The following LAMA2 variants were observed in gnomAD, a reference collection of about 807,000 sequenced individuals.
LAMA2 encodes the protein laminin subunit alpha 2, also known as laminin subunit alpha-2.
A neutral mutation model predicts 364.8 loss-of-function variants in LAMA2; 269 were observed. That is an observed-to-expected ratio of 0.74 (90% CI 0.67 to 0.82). The LOEUF is 0.82. Ranked by LOEUF, LAMA2 falls within the 40% of genes least tolerant of loss-of-function variation. The probability of loss-of-function intolerance (pLI) is 0.00; values close to 1 mark genes in which losing one functional copy is unlikely to be tolerated. For synonymous variants in LAMA2, 1,379 were observed against 1,370.6 expected (o/e 1.01, Z -0.14); for missense variants, 3,807 against 3,873.2 (o/e 0.98, Z 0.45).
intron 7 of LAMA2, among the ~76,000 whole-genome samples, chr6:129,150,474 G>T (rs558717626): frequency 1.8e-3 from 276 of 152,270 alleles, no homozygotes; most frequent in Non-Finnish European, 1.8e-3. Flanking sequence ...TTCACACAGT[G>T]ATAATTGTGT....
chr6:129,429,392 A>C (rs914307529), intron 41 of LAMA2, among the ~76,000 whole-genome samples: 1 of 152,242 alleles, frequency 6.6e-6, no homozygotes, highest in African/African-American at 2.4e-5. Context: ...ATGAGGAAAT[A>C]CTTATTTTTT....
At chr6:129,182,123 T>C (rs1562307846) in intron 10 of LAMA2, among the ~76,000 whole-genome samples, 1 of 151,836 alleles carries the variant, frequency 6.6e-6, no homozygotes, top group Non-Finnish European at 1.5e-5. Flanking sequence ...TAAAAATACT[T>C]AGAATAGCAA....
At chr6:129,082,846 T>A (rs1774148738) in intron 3 of LAMA2, among the ~76,000 whole-genome samples, 1 of 152,160 alleles carries the variant, frequency 6.6e-6, no homozygotes, top group Non-Finnish European at 1.5e-5. Flanking sequence ...TATGCTTTAA[T>A]GCTTTAAAAT....
chr6:129,398,472 CTT>C (rs71028159), intron 37 of LAMA2, among the ~76,000 whole-genome samples: 9 of 110,506 alleles, frequency 8.1e-5, no homozygotes, highest in Non-Finnish European at 1.4e-4. Flanking sequence ...CTTTTCTTTT[CTT>C]TTTTTTTTTT....
chr6:128,997,829 GAGA>G (rs1397642145), intron 1 of LAMA2, among the ~76,000 whole-genome samples: 1 of 152,060 alleles, frequency 6.6e-6, no homozygotes, highest in Non-Finnish European at 1.5e-5. Flanking sequence ...GTAATGAGAT[GAGA>G]AGTTCAGATT....
At chr6:129,143,013 G>A (rs758252274) in intron 4 of LAMA2, among the ~76,000 whole-genome samples, 4 of 151,784 alleles carry the variant, frequency 2.6e-5, no homozygotes, top group Non-Finnish European at 5.9e-5. Flanking sequence ...TCCTTTATCC[G>A]TGCCAACAGT....
intron 12 of LAMA2, among the ~76,000 whole-genome samples, chr6:129,206,051 G>A (rs1782623073): frequency 1.4e-5 from 1 of 73,916 alleles, no homozygotes; most frequent in South Asian, 4.5e-4. Context: ...AAGAAAAAAA[G>A]GAAGGGAAGG....
intron 58 of LAMA2, among the ~76,000 whole-genome samples, chr6:129,497,861 C>G (rs1785312807): frequency 6.6e-6 from 1 of 152,202 alleles, no homozygotes; most frequent in East Asian, 1.9e-4. Flanking sequence ...CATATTATCT[C>G]ATTTGATATT....
chr6:129,240,839 A>C (rs1785351356), intron 12 of LAMA2, among the ~76,000 whole-genome samples: 1 of 152,226 alleles, frequency 6.6e-6, no homozygotes, highest in African/African-American at 2.4e-5. Flanking sequence ...AGCTGGGAAA[A>C]GTAATGCCAT....
Position 129,454,047 on chromosome 6 carries a change from T to C in LAMA2, c.6574-108T>C. 4 of 760,704 alleles carry C rather than the reference T, an allele frequency of 5.3e-6. No individual in the cohort carries two copies. In the South Asian group the frequency reaches 6.2e-5, roughly 12 times the overall value. 47.1% of individuals were successfully genotyped at this position (760,704 alleles called of 1,614,324 possible). On this transcript the variant is annotated intron_variant, in intron 46 of 64. Coordinates refer to ENST00000421865, the MANE Select transcript of LAMA2 (RefSeq NM_000426.4). ...ACAAGTATTATCATGAAGCTCCTAA[T>C]CATTTCACATGTCTGCAAATGGCGC...
intron 35 of LAMA2, 118 bp downstream of exon 35, chr6:129,383,351 G>A (rs1364154331): frequency 4.9e-6 from 4 of 822,400 alleles, no homozygotes; most frequent in African/African-American, 3.4e-5. Flanking sequence ...CAAAGGTAGA[G>A]TTTCAAAAAG....
In LAMA2 at chr6:128,896,409, AT is replaced by A. The variant is rs1170937153; in HGVS notation, c.112+13065del. Among the ~76,000 whole-genome samples, 493 of 140,330 alleles carry A rather than the reference AT, an allele frequency of 3.5e-3. 3 individuals are homozygous for A. Among genetic ancestry groups the A allele is most frequent in the African/African-American group, 8.4e-3 (325 of 38,476 alleles). The allele number at this position is 140,330 out of a possible 152,430, so 92.1% of individuals were successfully genotyped here. On this transcript the variant is annotated intron_variant, in intron 1 of 64. Transcript: ENST00000421865. ...AATAACATGTCCTCACCCTCCTTCC[AT>A]TTTTTTTTTTTTCTGCCATACACAT...
chr6:129,098,511 T>C, intron 4 of LAMA2, 96 bp downstream of exon 4: 1 of 1,410,070 alleles, frequency 7.1e-7, no homozygotes, highest in Non-Finnish European at 9.9e-7. Flanking sequence ...GTCAGGGAGA[T>C]TTTAAAATAG....
Position 129,492,220 on chromosome 6 carries a change from A to G in LAMA2, c.8076-95A>G, listed in dbSNP as rs1466582371. 8.3e-6 allele frequency: 12 copies of G among 1,443,436 alleles called. No homozygotes were observed. The East Asian group carries it at 2.0e-4, about 25-fold the overall frequency. The allele number at this position is 1,443,436 out of a possible 1,614,324, so 89.4% of individuals were successfully genotyped here. On this transcript the variant is annotated intron_variant, in intron 57 of 64. Coordinates refer to ENST00000421865, the MANE Select transcript of LAMA2 (RefSeq NM_000426.4). ...CTTCAACTTAGACTGAGAAAAGCACACTAATGGACTTAAAAAGGCATGCGG... is the reference window on the plus strand; with the variant it reads ...CTTCAACTTAGACTGAGAAAAGCACGCTAATGGACTTAAAAAGGCATGCGG...
At chr6:129,315,325 T>A in intron 24 of LAMA2, 151 bp from the exon 25 acceptor site, 2 of 676,306 alleles carry the variant, frequency 3.0e-6, no homozygotes, top group South Asian at 3.6e-5. Flanking sequence ...CGTCCTGCCA[T>A]GCTTGCCCAC....
chr6:129,340,536 A>T (rs1205088329), intron 29 of LAMA2, among the ~76,000 whole-genome samples: 1 of 152,160 alleles, frequency 6.6e-6, no homozygotes, highest in African/African-American at 2.4e-5. Flanking sequence ...GAGCTTTCTT[A>T]TCTCTTAAAG....
chr6:129,102,129 T>TC (rs1237823325), intron 4 of LAMA2, among the ~76,000 whole-genome samples: 2 of 143,606 alleles, frequency 1.4e-5, no homozygotes, highest in African/African-American at 5.6e-5. Context: ...TTTCTTTCTT[T>TC]CTTTTTTTTT....
chr6:129,298,091 G>A lies in LAMA2; in HGVS notation c.3037+226G>A, dbSNP rs4280978. 6.5e-5 allele frequency among the ~76,000 whole-genome samples: 9 copies of A among 139,476 alleles called. No homozygotes were observed. In the South Asian group the frequency reaches 1.6e-3, roughly 25 times the overall value. 91.5% of individuals were successfully genotyped at this position (139,476 alleles called of 152,430 possible). On this transcript the variant is annotated intron_variant, in intron 21 of 64. Transcript: ENST00000421865. ...ACTCAGTAAAAATCAGCAGATGCTC[G>A]TTTGGTTGTGTCCCTCCCTGTCTGT...
At chr6:129,069,054 T>C (rs1773129619) in intron 3 of LAMA2, among the ~76,000 whole-genome samples, 1 of 152,136 alleles carries the variant, frequency 6.6e-6, no homozygotes, top group Non-Finnish European at 1.5e-5. Flanking sequence ...AGAGTCAAGA[T>C]GACTGCCCTA....
Sources: allele counts gnomAD v4.1 joint callset (sites outside exome capture counted in the v4.1 genomes callset), GRCh38; gene constraint gnomAD v4.1.1; transcripts MANE v1.5; gene names NCBI Gene and HGNC (gene_info 2026-07-23, HGNC 2026-07-21).